Variants in BMPER observed in about 807,000 individuals in gnomAD.
BMPER encodes BMP-binding endothelial regulator protein.
In BMPER, 45 loss-of-function variants were observed where a neutral mutation model predicts 87.3. The ratio of observed to expected loss-of-function variants is 0.52; its 90% confidence interval spans 0.41 to 0.66. The LOEUF (loss-of-function observed/expected upper bound fraction) is 0.66, where lower values mean the gene tolerates loss of function less well. Ranked by LOEUF, BMPER falls within the 30% of genes least tolerant of loss-of-function variation. The pLI is 0.00. For missense variants in BMPER, 784 were observed against 867.5 expected, an observed-to-expected ratio of 0.90 and a Z score of 1.21; for synonymous variants, 326 against 316.2, an observed-to-expected ratio of 1.03 and a Z score of -0.33.
intron 6 of BMPER, among the ~76,000 whole-genome samples, chr7:34,003,935 AT>A (rs1332301997): frequency 6.6e-6 from 1 of 152,094 alleles, no homozygotes; most frequent in African/African-American, 2.4e-5. Context: ...GGATGTACAG[AT>A]TAATGTTTTC....
In BMPER at chr7:33,966,484, A is replaced by G; in HGVS notation, c.325A>G (p.Thr109Ala). The stretch of plus-strand genomic sequence containing the variant: ...CTTCTGTGTCTCCTGTCTAGGTTGC[A>G]CCTATGAAGGAAATACCTATAACAG... ...GACCEQCKGC[T>A]YEGNTYNSSF... The change falls in exon 4 of 15, where the codon ACC (threonine) becomes GCC (alanine). Residue 109 changes from threonine to alanine, a missense_variant. By Grantham distance (58) the Thr-to-Ala change is moderately conservative (BLOSUM62 0). Transcript: ENST00000649409. 6.2e-7 allele frequency: 1 copy of G among 1,613,570 alleles called. No homozygotes were observed. The highest frequency in any genetic ancestry group is 1.1e-5 in the South Asian group (1 of 91,074).
intron 13 of BMPER, among the ~76,000 whole-genome samples, chr7:34,126,755 C>T (rs540624069): frequency 1.3e-5 from 2 of 152,142 alleles, no homozygotes; most frequent in East Asian, 3.9e-4. Flanking sequence ...TTTCTTGTTC[C>T]ACATAATACT....
At chr7:34,001,677 A>G (rs966413503) in intron 6 of BMPER, among the ~76,000 whole-genome samples, 2 of 150,696 alleles carry the variant, frequency 1.3e-5, no homozygotes, top group African/African-American at 2.4e-5. Context: ...GATTTCACAT[A>G]TTGCCATTCT....
chr7:34,104,384 G>A lies in BMPER; in HGVS notation c.1745+18292G>A, dbSNP rs576952789. On this transcript the variant is annotated intron_variant, in intron 13 of 14. Coordinates refer to ENST00000649409, the MANE Select transcript of BMPER (RefSeq NM_001365308.1). ...CCCCTCCCAACACACCCCAGCATAC[G>A]CTGGAGGAAGTCAGAGGGGATGATC... 8.5e-5 allele frequency among the ~76,000 whole-genome samples: 13 copies of A among 152,296 alleles called. No individual in the cohort carries two copies. The East Asian group carries it at 2.3e-3, about 27-fold the overall frequency.
At chr7:34,046,623 A>T (rs762618614) in intron 7 of BMPER, among the ~76,000 whole-genome samples, 20 of 152,206 alleles carry the variant, frequency 1.3e-4, no homozygotes, top group Non-Finnish European at 2.4e-4. Context: ...CCTCACTTGC[A>T]TCTGTAACTG....
At chr7:33,996,468 T>C (rs1368915631) in intron 6 of BMPER, among the ~76,000 whole-genome samples, 1 of 152,230 alleles carries the variant, frequency 6.6e-6, no homozygotes, top group Non-Finnish European at 1.5e-5. Context: ...ACCTACCAAA[T>C]GGCTTCTTGC....
At chr7:33,964,644 C>T (rs1785358735) in intron 3 of BMPER, among the ~76,000 whole-genome samples, 1 of 152,180 alleles carries the variant, frequency 6.6e-6, no homozygotes, top group African/African-American at 2.4e-5. Context: ...TCCAGACAGC[C>T]TGGTGCTCCT....
intron 14 of BMPER, among the ~76,000 whole-genome samples, chr7:34,146,505 A>G (rs921383214): frequency 2.0e-5 from 3 of 152,208 alleles, no homozygotes; most frequent in Non-Finnish European, 4.4e-5. Context: ...ATAAAAGTTT[A>G]ATAATAATCA....
intron 4 of BMPER, 101 bp from the exon 5 acceptor site, chr7:33,970,228 G>A (rs1189608619): frequency 9.0e-6 from 11 of 1,219,534 alleles, no homozygotes; most frequent in Non-Finnish European, 1.2e-5. Context: ...AAACCTTGTG[G>A]TTTTTGTGCT....
In BMPER at chr7:34,090,614, C is replaced by G. The variant is rs142166640; in HGVS notation, c.1745+4522C>G. Among the ~76,000 whole-genome samples the G allele has an allele frequency of 1.0e-2, 1,522 of 152,312 alleles. 22 individuals are homozygous for G. The highest frequency in any genetic ancestry group is 0.034 in the African/African-American group (1,413 of 41,570). The stretch of plus-strand genomic sequence containing the variant: ...ATGAGCTATGCCTTTGTGGGTCAAA[C>G]TGGGGAAAGTTTTTTATTCCTTGTG... On this transcript the variant is annotated intron_variant, in intron 13 of 14. Coordinates refer to ENST00000649409, the MANE Select transcript of BMPER (RefSeq NM_001365308.1).
intron 12 of BMPER, among the ~76,000 whole-genome samples, chr7:34,081,775 A>G (rs967424685): frequency 1.3e-5 from 2 of 152,188 alleles, no homozygotes; most frequent in African/African-American, 4.8e-5. Context: ...GAACCCAGAG[A>G]ATACATCCTA....
intron 6 of BMPER, among the ~76,000 whole-genome samples, chr7:34,020,645 A>T (rs1252973547): frequency 6.6e-6 from 1 of 151,928 alleles, no homozygotes; most frequent in Non-Finnish European, 1.5e-5. Context: ...AAAACATAGG[A>T]GTAAAAGGCG....
intron 12 of BMPER, 103 bp downstream of exon 12, chr7:34,079,289 A>G (rs1788951480): frequency 1.4e-6 from 2 of 1,477,002 alleles, no homozygotes; most frequent in African/African-American, 1.4e-5. Flanking sequence ...TCCTCCTCCG[A>G]GCAAAAACCC....
intron 2 of BMPER, among the ~76,000 whole-genome samples, chr7:33,911,055 A>G (rs142023874): frequency 6.6e-5 from 10 of 152,356 alleles, no homozygotes; most frequent in East Asian, 3.9e-4. Flanking sequence ...GAGGTACTGC[A>G]CTCAGTATAT....
At chr7:33,928,469 GT>G (rs1212186722) in intron 2 of BMPER, among the ~76,000 whole-genome samples, 19 of 150,016 alleles carry the variant, frequency 1.3e-4, no homozygotes, top group Non-Finnish European at 2.7e-4. Flanking sequence ...TTTGGTGGTT[GT>G]TTTTTTTTGT....
chr7:34,011,898 G>A (rs139338009), intron 6 of BMPER, among the ~76,000 whole-genome samples: 7 of 151,900 alleles, frequency 4.6e-5, no homozygotes, highest in Admixed American at 2.0e-4. Flanking sequence ...CCCATTTTCC[G>A]AAATTTTGTT....
At position 34,128,353 on chromosome 7, in the gene BMPER, C is replaced by T. The variant is rs146396551; in HGVS notation, c.1746-14877C>T. 8.5e-4 allele frequency among the ~76,000 whole-genome samples: 129 copies of T among 152,236 alleles called. 1 individual carries two copies. Among genetic ancestry groups the T allele is most frequent in the African/African-American group, 3.0e-3 (126 of 41,564 alleles). ...ATGCTAGACTGCTTTTTGTAACACC[C>T]ATTATTTTCCTCCTTTATTACAACC... On this transcript the variant is annotated intron_variant, in intron 13 of 14. Coordinates refer to ENST00000649409, the MANE Select transcript of BMPER (RefSeq NM_001365308.1).
intron 13 of BMPER, among the ~76,000 whole-genome samples, chr7:34,095,902 A>G (rs887640851): frequency 6.6e-6 from 1 of 152,156 alleles, no homozygotes; most frequent in African/African-American, 2.4e-5. Flanking sequence ...GGCCATTGGC[A>G]AAGGATCTAA....
At chr7:33,918,421 G>C (rs953397704) in intron 2 of BMPER, among the ~76,000 whole-genome samples, 1 of 152,226 alleles carries the variant, frequency 6.6e-6, no homozygotes. Context: ...GGGGCTTGCA[G>C]CTTCTGCCTC....
Sources: allele counts gnomAD v4.1 joint callset (sites outside exome capture counted in the v4.1 genomes callset), GRCh38; gene constraint gnomAD v4.1.1; transcripts MANE v1.5; gene names NCBI Gene and HGNC (gene_info 2026-07-23, HGNC 2026-07-21).